Variants in FAM53C observed in about 807,000 individuals in gnomAD.
FAM53C encodes family with sequence similarity 53 member C, also known as protein FAM53C.
Under a neutral mutation model 34.7 loss-of-function variants are expected in FAM53C, and 10 were observed. The observed-to-expected ratio is 0.29, with a 90% confidence interval of 0.18 to 0.49. The LOEUF (loss-of-function observed/expected upper bound fraction) is 0.49, where lower values mean the gene tolerates loss of function less well. Ranked by LOEUF, FAM53C falls within the 20% of genes least tolerant of loss-of-function variation. The pLI, the probability that FAM53C is intolerant of heterozygous loss-of-function variation, is 0.99. For synonymous variants in FAM53C, 203 were observed against 203.6 expected (o/e 1.00, Z 0.03); for missense variants, 442 against 515.3 (o/e 0.86, Z 1.38).
chr5:138,342,850 C>G (rs1186148727), intron 3 of FAM53C: 1 of 150,682 alleles, frequency 6.6e-6, no homozygotes, highest in African/African-American at 2.4e-5. Flanking sequence ...ACAGTGAAAC[C>G]CTGTCTCTAC....
At chr5:138,346,390 C>T (rs1761174752) in intron 4 of FAM53C, among the ~76,000 whole-genome samples, 1 of 152,194 alleles carries the variant, frequency 6.6e-6, no homozygotes, top group South Asian at 2.1e-4. Flanking sequence ...CTTTGGGAGG[C>T]CAAGGCAGGC....
rs889604237 is a variant in FAM53C at position 138,338,294 on chromosome 5, C to G, written c.-166C>G. The G allele has an allele frequency of 8.8e-6, 6 of 679,820 alleles. No homozygotes were observed. The highest frequency in any genetic ancestry group is 1.4e-5 in the Non-Finnish European group (6 of 433,956). 42.1% of individuals were successfully genotyped at this position (679,820 alleles called of 1,614,324 possible). On this transcript the variant is annotated 5_prime_UTR_variant, in exon 1 of 5. Transcript: ENST00000239906. Reference sequence around the variant, plus strand: ...GCTGCTCCGGCCGCGGCCCTGGGAGCTGGAGGAACCGCGGTAGGTGGTGGA... The same window carrying G: ...GCTGCTCCGGCCGCGGCCCTGGGAGGTGGAGGAACCGCGGTAGGTGGTGGA...
In FAM53C at chr5:138,346,593, C is replaced by T. The variant is rs898605609; in HGVS notation, c.922-109C>T. The T allele has an allele frequency of 1.8e-5, 25 of 1,414,312 alleles. 1 individual carries two copies. The highest frequency in any genetic ancestry group is 1.5e-4 in the Admixed American group (7 of 47,826). The allele number at this position is 1,414,312 out of a possible 1,614,324, so 87.6% of individuals were successfully genotyped here. On this transcript the variant is annotated intron_variant, in intron 4 of 4. Transcript: ENST00000239906. Reference sequence around the variant, plus strand: ...GAGCCAAGATCACGCCACTGCACTCCAGCCAGGGTGACAGAGTGAGACTCC... The same window carrying T: ...GAGCCAAGATCACGCCACTGCACTCTAGCCAGGGTGACAGAGTGAGACTCC...
At chr5:138,341,970 A>G (rs566442133) in intron 3 of FAM53C, 104 bp downstream of exon 3, 1 of 1,064,892 alleles carries the variant, frequency 9.4e-7, no homozygotes, top group South Asian at 1.3e-5. Flanking sequence ...CTACCTCTAG[A>G]ACCTTCTTGC....
chr5:138,345,014 C>T lies in FAM53C; in HGVS notation c.326C>T (p.Pro109Leu). Residue 109 changes from proline to leucine, a missense_variant, in exon 4 of 5, where the codon CCC becomes CTC. By Grantham distance (98) the Pro-to-Leu change is moderately conservative. Coordinates refer to ENST00000239906, the MANE Select transcript of FAM53C (RefSeq NM_016605.3). The surrounding 1 kb of genome is among the most constrained non-coding windows in gnomAD (Gnocchi z 6.3). ...CCAGATCCAGAGAAGCTTCCTGTGC[C>T]CCCTGCCCCTCCATCCAAGAGGCAC... ...EPPDPEKLPV[P>L]PAPPSKRHCR... is the part of the protein sequence containing the mutation. 4 of 1,613,832 alleles carry T rather than the reference C, an allele frequency of 2.5e-6. No homozygotes were observed. Among genetic ancestry groups the T allele is most frequent in the Non-Finnish European group, 3.4e-6 (4 of 1,179,826 alleles).
rs1761197032 is a variant in FAM53C at position 138,346,934 on chromosome 5, A to C, written c.1154A>C (p.Asp385Ala). The change falls in exon 5 of 5, where the codon GAC (aspartate) becomes GCC (alanine). Residue 385 changes from aspartate (D) to alanine (A), a missense_variant. Physicochemically the swap from Asp to Ala is moderately radical, Grantham distance 126. Transcript: ENST00000239906. ...TGCCAGCGGGACTTTGGGGACCTGG[A>C]CTTGAATTTGATTGAGGAAAACTAA... is the stretch of plus-strand genomic sequence containing the variant. ...TLCQRDFGDL[D>A]LNLIEEN 1.9e-6 allele frequency: 3 copies of C among 1,613,994 alleles called. No homozygotes were observed. In the South Asian group the frequency reaches 3.3e-5, roughly 18 times the overall value.
In FAM53C at chr5:138,339,759, T is replaced by C. The variant is rs138991549; in HGVS notation, c.-152-1425T>C. 2.0e-3 allele frequency among the ~76,000 whole-genome samples: 298 copies of C among 152,374 alleles called. 1 individual carries two copies. The highest frequency in any genetic ancestry group is 3.6e-3 in the Non-Finnish European group (247 of 68,040). Reference sequence around the variant, plus strand: ...GCTAGAATTTTGTTCAGGGTGGTAATAATTATGCATGAAAATGATAGTTAA... The same window carrying C: ...GCTAGAATTTTGTTCAGGGTGGTAACAATTATGCATGAAAATGATAGTTAA... On this transcript the variant is annotated intron_variant, in intron 1 of 4. Transcript: ENST00000239906.
At chr5:138,344,301 C>T (rs1580857042) in intron 3 of FAM53C, among the ~76,000 whole-genome samples, 1 of 152,234 alleles carries the variant, frequency 6.6e-6, no homozygotes, top group East Asian at 1.9e-4. Flanking sequence ...TCTTACCTGC[C>T]TGATTACCTC....
intron 3 of FAM53C, 113 bp downstream of exon 3, chr5:138,341,979 GC>G: frequency 1.1e-6 from 1 of 944,644 alleles, no homozygotes; most frequent in Non-Finnish European, 1.7e-6. Context: ...GAACCTTCTT[GC>G]CAGGGTCAAC....
chr5:138,340,714 A>G (rs561905354), intron 1 of FAM53C, among the ~76,000 whole-genome samples: 4 of 152,354 alleles, frequency 2.6e-5, no homozygotes, highest in African/African-American at 7.2e-5. Flanking sequence ...ATAAAATCCT[A>G]TGTACTCAGG....
upstream of FAM53C, chr5:138,337,775 C>T (rs1479086076): frequency 1.0e-5 from 4 of 381,016 alleles, no homozygotes; most frequent in Non-Finnish European, 1.9e-5. Flanking sequence ...GCAGCCTTCA[C>T]GCCGCGGACG....
At chr5:138,338,959 A>G (rs915922761) in intron 1 of FAM53C, among the ~76,000 whole-genome samples, 5 of 152,116 alleles carry the variant, frequency 3.3e-5, no homozygotes, top group Admixed American at 2.0e-4. Flanking sequence ...TCCCTGAAAC[A>G]GGAGTGTCAG....
upstream of FAM53C, chr5:138,338,021 T>C (rs1425527077): frequency 7.8e-7 from 1 of 1,289,588 alleles, no homozygotes; most frequent in African/African-American, 1.5e-5. Context: ...GTCCACTTTC[T>C]GCGATATTTT....
At chr5:138,343,202 T>C (rs112708613) in intron 3 of FAM53C, among the ~76,000 whole-genome samples, 1 of 151,896 alleles carries the variant, frequency 6.6e-6, no homozygotes, top group African/African-American at 2.4e-5. Flanking sequence ...ATTTCTAATC[T>C]TGTTTGGATA....
Position 138,346,824 on chromosome 5 carries a change from T to G in FAM53C, c.1044T>G (p.Gly348=), listed in dbSNP as rs1182379364. Residue 348 remains glycine (G), a synonymous_variant, in exon 5 of 5, where the codon GGT becomes GGG. Transcript: ENST00000239906. ...PLSASCSPTG[G]SSQVLSESEE... The stretch of plus-strand genomic sequence containing the variant: ...CTGCTTCCTGCAGCCCCACTGGGGG[T>G]TCCTCCCAGGTGCTGAGTGAAAGCG... 2 of 1,614,014 alleles carry G rather than the reference T, an allele frequency of 1.2e-6. No individual in the cohort carries two copies. The highest frequency in any genetic ancestry group is 2.2e-5 in the South Asian group (2 of 91,082).
rs1297012224 is a variant in FAM53C, at chr5:138,341,431, C to T, written c.78+18C>T. On this transcript the variant is annotated intron_variant, in intron 2 of 4. Coordinates refer to ENST00000239906, the MANE Select transcript of FAM53C (RefSeq NM_016605.3). The stretch of plus-strand genomic sequence containing the variant: ...TCAGTCTGGTAAAAGACCAGTCTTC[C>T]TGCTTCTCCACGACCCCCTCCCCCT... The T allele has an allele frequency of 1.2e-6, 2 of 1,607,704 alleles. No homozygotes were observed.
chr5:138,346,004 G>A (rs902662276), intron 4 of FAM53C, among the ~76,000 whole-genome samples: 1 of 152,150 alleles, frequency 6.6e-6, no homozygotes, highest in Non-Finnish European at 1.5e-5. Flanking sequence ...CTTCAAAGTG[G>A]GTCTGTGAGG....
chr5:138,344,326 TC>T (rs1424300909), intron 3 of FAM53C, among the ~76,000 whole-genome samples: 1 of 152,192 alleles, frequency 6.6e-6, no homozygotes, highest in Non-Finnish European at 1.5e-5. Context: ...TTCTTGGCAG[TC>T]CTAACTCCTG....
chr5:138,339,260 A>C (rs981395024), intron 1 of FAM53C, among the ~76,000 whole-genome samples: 2 of 152,196 alleles, frequency 1.3e-5, no homozygotes, highest in Non-Finnish European at 1.5e-5. Flanking sequence ...CTGCTTGAGA[A>C]AGAGGAGGCC....
Sources: allele counts gnomAD v4.1 joint callset (sites outside exome capture counted in the v4.1 genomes callset), GRCh38; gene constraint gnomAD v4.1.1; non-coding constraint Gnocchi (gnomAD v3.1); transcripts MANE v1.5; gene names NCBI Gene and HGNC (gene_info 2026-07-23, HGNC 2026-07-21).